CSMD1: variants seen among roughly 807,000 people sequenced by gnomAD.
CSMD1 encodes CUB and sushi domain-containing protein 1.
A neutral mutation model predicts 417.5 loss-of-function variants in CSMD1; 213 were observed. The observed-to-expected ratio is 0.51, with a 90% confidence interval of 0.46 to 0.57. The LOEUF (loss-of-function observed/expected upper bound fraction) is 0.57. Ranked by LOEUF, CSMD1 falls within the 20% of genes least tolerant of loss-of-function variation. The pLI is 0.00. For synonymous variants in CSMD1, 2,862 were observed against 1,736.8 expected (o/e 1.65, Z -16.11); for missense variants, 6,923 against 4,529.7 (o/e 1.53, Z -15.17).
At chr8:4,340,075 C>T (rs1050822720) in intron 3 of CSMD1, among the ~76,000 whole-genome samples, 8 of 152,024 alleles carry the variant, frequency 5.3e-5, no homozygotes, top group African/African-American at 9.7e-5. Context: ...ACTCTGGTAA[C>T]GTAAGTATTA....
chr8:4,828,638 C>G (rs144244937), intron 1 of CSMD1, among the ~76,000 whole-genome samples: 1 of 152,082 alleles, frequency 6.6e-6, no homozygotes, highest in Non-Finnish European at 1.5e-5. Flanking sequence ...AAACTGAGAA[C>G]GTTACTCGGC....
chr8:3,035,741 A>G (rs1430978037), intron 50 of CSMD1, among the ~76,000 whole-genome samples: 4 of 151,294 alleles, frequency 2.6e-5, no homozygotes, highest in Non-Finnish European at 4.4e-5. Context: ...ATAAATTGCC[A>G]GGTCAAGTTT....
At chr8:3,303,424 A>G (rs1804567831) in intron 25 of CSMD1, among the ~76,000 whole-genome samples, 1 of 152,216 alleles carries the variant, frequency 6.6e-6, no homozygotes, top group South Asian at 2.1e-4. Context: ...GTCAAACCAC[A>G]TGTTACCTTT....
Position 4,728,021 on chromosome 8 carries a change from A to T in CSMD1, c.86-90463T>A, listed in dbSNP as rs373588097. 1.8e-3 allele frequency among the ~76,000 whole-genome samples: 255 copies of T among 145,704 alleles called. 2 individuals carry two copies. Among genetic ancestry groups the T allele is most frequent in the East Asian group, 4.9e-3 (25 of 5,072 alleles). On this transcript the variant is annotated intron_variant, in intron 1 of 69. Transcript: ENST00000635120. Reference sequence around the variant, plus strand: ...ATATTTATATACAAAATATATATATATTTTTTCTATTTTTTTGGTTTATTG... The same window carrying T: ...ATATTTATATACAAAATATATATATTTTTTTTCTATTTTTTTGGTTTATTG...
intron 5 of CSMD1, among the ~76,000 whole-genome samples, chr8:3,871,479 T>C (rs1386713696): frequency 6.6e-6 from 1 of 152,196 alleles, no homozygotes; most frequent in African/African-American, 2.4e-5. Context: ...AGGTTGAATT[T>C]ATTTTCATAG....
intron 43 of CSMD1, 74 bp from the exon 44 acceptor site, chr8:3,108,822 T>C: frequency 8.4e-6 from 12 of 1,423,732 alleles, no homozygotes; most frequent in Admixed American, 2.5e-5. Context: ...CTTTGGCTAA[T>C]GAATTAATTT....
chr8:3,814,067 ATG>A (rs1449473458), intron 5 of CSMD1, among the ~76,000 whole-genome samples: 1 of 152,158 alleles, frequency 6.6e-6, no homozygotes, highest in Non-Finnish European at 1.5e-5. Flanking sequence ...ATTCTGCAAA[ATG>A]TGTTTCAAAT....
intron 3 of CSMD1, among the ~76,000 whole-genome samples, chr8:4,363,481 C>T (rs1189252340): frequency 1.3e-5 from 2 of 152,152 alleles, no homozygotes; most frequent in Non-Finnish European, 2.9e-5. Context: ...CACCCCCTCT[C>T]TGGAGGAGGA....
intron 8 of CSMD1, chr8:3,598,205 C>T (rs1036792149): frequency 1.3e-5 from 2 of 152,130 alleles, no homozygotes; most frequent in South Asian, 2.1e-4. Flanking sequence ...AAGAGGGTGT[C>T]TAGGGAAGTT....
At chr8:3,702,038 A>G (rs565668956) in intron 7 of CSMD1, 1 of 152,332 alleles carries the variant, frequency 6.6e-6, no homozygotes, top group African/African-American at 2.4e-5. Flanking sequence ...AGAGCAAGGA[A>G]GTGAACGTTT....
intron 3 of CSMD1, among the ~76,000 whole-genome samples, chr8:4,201,659 T>A (rs1799654926): frequency 6.6e-6 from 1 of 151,984 alleles, no homozygotes; most frequent in Non-Finnish European, 1.5e-5. Context: ...GACCAAAGTT[T>A]TCATTTCTAT....
At chr8:4,134,338 G>C (rs1374656950) in intron 3 of CSMD1, among the ~76,000 whole-genome samples, 1 of 152,142 alleles carries the variant, frequency 6.6e-6, no homozygotes, top group Non-Finnish European at 1.5e-5. Context: ...TTTAAGGTGG[G>C]TCCTCATCCA....
chr8:3,734,230 C>T lies in CSMD1; in HGVS notation c.931+19700G>A, dbSNP rs185666364. Among the ~76,000 whole-genome samples, 3 of 152,154 alleles carry T rather than the reference C, an allele frequency of 2.0e-5. No individual in the cohort carries two copies. The South Asian group carries it at 6.2e-4, about 32-fold the overall frequency. On this transcript the variant is annotated intron_variant, in intron 6 of 69. Transcript: ENST00000635120. ...CTGCATTTCACGATGAGAATGGGAGCCTTCGGCTTCCTACTCAGCACCATT... is the reference window on the plus strand; with the variant it reads ...CTGCATTTCACGATGAGAATGGGAGTCTTCGGCTTCCTACTCAGCACCATT...
At chr8:3,087,939 T>C (rs1026725676) in intron 48 of CSMD1, among the ~76,000 whole-genome samples, 7 of 152,226 alleles carry the variant, frequency 4.6e-5, no homozygotes, top group African/African-American at 1.2e-4. Flanking sequence ...TAGAAATATA[T>C]AACATTTTCT....
chr8:4,679,080 G>A (rs1216508978), intron 1 of CSMD1, among the ~76,000 whole-genome samples: 1 of 152,092 alleles, frequency 6.6e-6, no homozygotes, highest in Non-Finnish European at 1.5e-5. Flanking sequence ...TCCTCCCTCA[G>A]GTAGCCTCAC....
chr8:3,273,031 T>C (rs971352027), intron 26 of CSMD1, among the ~76,000 whole-genome samples: 123 of 152,108 alleles, frequency 8.1e-4, no homozygotes, highest in African/African-American at 2.7e-3. Flanking sequence ...GGAATGCTTC[T>C]AGTTTTTGCC....
At chr8:4,423,350 A>G (rs1379518107) in intron 2 of CSMD1, among the ~76,000 whole-genome samples, 2 of 152,128 alleles carry the variant, frequency 1.3e-5, no homozygotes, top group African/African-American at 4.8e-5. Flanking sequence ...CTAATACTTG[A>G]TATCATCAAA....
chr8:4,914,284 T>G (rs10112695), intron 1 of CSMD1, among the ~76,000 whole-genome samples: 2 of 151,884 alleles, frequency 1.3e-5, no homozygotes, highest in Non-Finnish European at 2.9e-5. Context: ...ACTTTAAAAA[T>G]TGGAAGATAG....
intron 2 of CSMD1, among the ~76,000 whole-genome samples, chr8:4,636,677 C>G (rs886284126): frequency 9.2e-5 from 14 of 152,148 alleles, no homozygotes; most frequent in African/African-American, 2.4e-5. Context: ...TATCTATAAA[C>G]AAAGTCAGTG....
Sources: allele counts gnomAD v4.1 joint callset (sites outside exome capture counted in the v4.1 genomes callset), GRCh38; gene constraint gnomAD v4.1.1; transcripts MANE v1.5; gene names NCBI Gene and HGNC (gene_info 2026-07-23, HGNC 2026-07-21).